The following ETF1 variants were observed in gnomAD, a reference collection of about 807,000 sequenced individuals.
ETF1 encodes the protein eukaryotic translation termination factor 1, also known as eukaryotic peptide chain release factor subunit 1.
Under a neutral mutation model 55.1 loss-of-function variants are expected in ETF1, and 4 were observed. That is an observed-to-expected ratio of 0.07 (90% CI 0.04 to 0.17). ETF1 has a LOEUF of 0.17. Among genes scored for constraint, ETF1 ranks in the 10% least tolerant of loss-of-function variants. The pLI, the probability that ETF1 is intolerant of heterozygous loss-of-function variation, is 1.00. For missense variants in ETF1, 142 were observed against 523.6 expected (o/e 0.27, Z 7.11); for synonymous variants, 157 against 182.3 (o/e 0.86, Z 1.12).
chr5:138,541,431 G>T, intron 2 of ETF1: 1 of 891,490 alleles, frequency 1.1e-6, no homozygotes, highest in Non-Finnish European at 1.8e-6. Flanking sequence ...GCACAAGCCC[G>T]TCACTGAATG....
At chr5:138,531,573 AG>A (rs1486880198) in intron 2 of ETF1, among the ~76,000 whole-genome samples, 2 of 152,228 alleles carry the variant, frequency 1.3e-5, no homozygotes, top group African/African-American at 4.8e-5. Flanking sequence ...GGTTAGGACC[AG>A]GAACGTTTTA....
At chr5:138,533,923 CTA>C (rs1765808554) in intron 2 of ETF1, among the ~76,000 whole-genome samples, 1 of 152,162 alleles carries the variant, frequency 6.6e-6, no homozygotes, top group African/African-American at 2.4e-5. Flanking sequence ...CTACTACCAT[CTA>C]TGAGGCATGT....
chr5:138,529,579 A>AG (rs1301210926), intron 2 of ETF1: 11 of 985,278 alleles, frequency 1.1e-5, no homozygotes, highest in African/African-American at 1.7e-5. Flanking sequence ...CAAAGCTCCC[A>AG]GGGGCCTCTG....
intron 9 of ETF1, 113 bp downstream of exon 9, chr5:138,510,451 AC>A (rs1764727932): frequency 3.8e-6 from 2 of 521,590 alleles, no homozygotes; most frequent in South Asian, 4.0e-5. Context: ...CTCCCACAGC[AC>A]CCCCAATTAG....
chr5:138,510,969 G>A (rs969532519), intron 8 of ETF1, 76 bp downstream of exon 8: 2 of 1,561,116 alleles, frequency 1.3e-6, no homozygotes, highest in Admixed American at 1.9e-5. Context: ...CCTGAAATCA[G>A]CCATCCCTCC....
At chr5:138,512,258 A>T (rs506923) in intron 6 of ETF1, among the ~76,000 whole-genome samples, 260 of 20,012 alleles carry the variant, frequency 0.013, 5 homozygotes, top group African/African-American at 0.027. Context: ...ATATATATAT[A>T]TTTTTTTTTT....
At chr5:138,542,967 C>A in intron 1 of ETF1, 31 bp from the exon 2 acceptor site, 1 of 1,602,582 alleles carries the variant, frequency 6.2e-7, no homozygotes, top group Non-Finnish European at 8.5e-7. Flanking sequence ...CCGGAGACAC[C>A]AAGACCACAG....
At chr5:138,534,760 A>G (rs1765843877) in intron 2 of ETF1, among the ~76,000 whole-genome samples, 1 of 152,250 alleles carries the variant, frequency 6.6e-6, no homozygotes, top group Non-Finnish European at 1.5e-5. Flanking sequence ...AATTAGCACC[A>G]CAGGCTTTGA....
At chr5:138,528,983 T>A (rs959922542) in intron 2 of ETF1, among the ~76,000 whole-genome samples, 4 of 151,860 alleles carry the variant, frequency 2.6e-5, no homozygotes, top group Non-Finnish European at 5.9e-5. Flanking sequence ...CCATCTCTAC[T>A]AAAAATACAA....
chr5:138,511,682 A>G, intron 6 of ETF1, 78 bp from the exon 7 acceptor site: 1 of 1,476,414 alleles, frequency 6.8e-7, no homozygotes, highest in Non-Finnish European at 9.0e-7. Context: ...ACTCAAACCC[A>G]CTAACTCTTA....
Position 138,518,738 on chromosome 5 carries a change from C to T in ETF1, c.216G>A (p.Leu72=). ...TTTGTTGTACAGATGTAATGGCTCC[C>T]AGGACTGAAAGGCGGTTTACTCGTG... ...IKSRVNRLSV[L]GAITSVQQRL... Residue 72 remains leucine, a synonymous_variant, in exon 3 of 11, where the codon CTG becomes CTA. Transcript: ENST00000360541. The T allele has an allele frequency of 6.2e-7, 1 of 1,613,770 alleles. No individual in the cohort carries two copies. Among genetic ancestry groups the T allele is most frequent in the Non-Finnish European group, 8.5e-7 (1 of 1,179,696 alleles).
intron 2 of ETF1, among the ~76,000 whole-genome samples, chr5:138,530,626 T>C (rs1765660099): frequency 6.6e-6 from 1 of 152,022 alleles, no homozygotes; most frequent in South Asian, 2.1e-4. Context: ...TAGGCTGGAG[T>C]GCAGTGGCGC....
At chr5:138,517,438 G>A (rs944018137) in intron 4 of ETF1, 123 bp downstream of exon 4, 7 of 449,900 alleles carry the variant, frequency 1.6e-5, no homozygotes, top group Non-Finnish European at 2.4e-5. Context: ...CATATCTATG[G>A]AAAGAAAATA....
intron 2 of ETF1, among the ~76,000 whole-genome samples, chr5:138,541,877 C>T (rs2127141462): frequency 9.0e-6 from 1 of 111,142 alleles, no homozygotes; most frequent in South Asian, 3.3e-4. Context: ...AAACGAACAA[C>T]GTTAAAAAAA....
intron 6 of ETF1, chr5:138,512,048 A>C (rs997848609): frequency 1.0e-5 from 2 of 196,262 alleles, no homozygotes; most frequent in South Asian, 1.8e-4. Context: ...AAAAGTACAA[A>C]AATTAGTTGG....
chr5:138,533,322 T>C (rs1765779607), intron 2 of ETF1, among the ~76,000 whole-genome samples: 2 of 152,102 alleles, frequency 1.3e-5, no homozygotes, highest in Non-Finnish European at 2.9e-5. Context: ...GGCCAATTCC[T>C]ACCATCATCT....
chr5:138,515,055 C>A (rs922097528), intron 4 of ETF1, among the ~76,000 whole-genome samples: 13 of 152,160 alleles, frequency 8.5e-5, no homozygotes, highest in Non-Finnish European at 1.9e-4. Context: ...GAAAATAGCC[C>A]CTTCAATAAT....
At chr5:138,508,426 T>C (rs1764636816) in intron 10 of ETF1, 39 bp from the exon 11 acceptor site, 3 of 1,611,190 alleles carry the variant, frequency 1.9e-6, no homozygotes, top group Non-Finnish European at 2.5e-6. Flanking sequence ...CCTGTGTTCA[T>C]GGGATGGGCA....
At chr5:138,534,668 G>A (rs1311479400) in intron 2 of ETF1, among the ~76,000 whole-genome samples, 1 of 152,210 alleles carries the variant, frequency 6.6e-6, no homozygotes, top group African/African-American at 2.4e-5. Flanking sequence ...CCATGGACAA[G>A]AGTCTTCCTT....
Sources: gnomAD v4.1 joint callset for allele counts (sites outside exome capture counted in the v4.1 genomes callset) on GRCh38, gnomAD v4.1.1 for gene constraint, MANE v1.5 for transcripts, NCBI Gene and HGNC (gene_info 2026-07-23, HGNC 2026-07-21) for gene names.